Variants in CFAP206 observed in about 807,000 individuals in gnomAD.
CFAP206 encodes the protein cilia- and flagella-associated protein 206.
In CFAP206, 53 loss-of-function variants were observed where a neutral mutation model predicts 65.4. The ratio of observed to expected loss-of-function variants is 0.81; its 90% confidence interval spans 0.65 to 1.02. The LOEUF (loss-of-function observed/expected upper bound fraction) is 1.02. Among genes scored for constraint, CFAP206 ranks in the 50% least tolerant of loss-of-function variants. The probability of loss-of-function intolerance (pLI) is 0.00; values close to 1 mark genes in which losing one functional copy is unlikely to be tolerated. For missense variants in CFAP206, 663 were observed against 753.2 expected (o/e 0.88, Z 1.40); for synonymous variants, 250 against 254.4 (o/e 0.98, Z 0.17).
At chr6:87,460,322 T>G (rs889478930) in intron 11 of CFAP206, among the ~76,000 whole-genome samples, 1 of 152,224 alleles carries the variant, frequency 6.6e-6, no homozygotes, top group Non-Finnish European at 1.5e-5. Context: ...GATAATAACC[T>G]GCTATGTATG....
intron 2 of CFAP206, 109 bp downstream of exon 2, chr6:87,410,056 G>A: frequency 1.3e-6 from 1 of 742,508 alleles, no homozygotes; most frequent in Non-Finnish European, 2.2e-6. Flanking sequence ...TTTTTCAGTT[G>A]AAGCATAACG....
chr6:87,419,969 T>C (rs567712683), intron 7 of CFAP206, among the ~76,000 whole-genome samples: 4 of 152,184 alleles, frequency 2.6e-5, no homozygotes, highest in Admixed American at 6.5e-5. Flanking sequence ...CCCAGCTACT[T>C]GGGAGGCTAA....
intron 11 of CFAP206, among the ~76,000 whole-genome samples, chr6:87,448,899 C>G (rs917742717): frequency 1.3e-5 from 2 of 152,094 alleles, no homozygotes; most frequent in East Asian, 3.9e-4. Flanking sequence ...TTTCTTTATT[C>G]TCCTGTTGGT....
intron 4 of CFAP206, among the ~76,000 whole-genome samples, chr6:87,414,152 T>C (rs1767785726): frequency 2.0e-5 from 3 of 152,308 alleles, no homozygotes; most frequent in Admixed American, 2.0e-4. Context: ...TACATAATAA[T>C]TAGGAATTCA....
At chr6:87,456,522 GCAATCAGA>G (rs1346718730) in intron 11 of CFAP206, among the ~76,000 whole-genome samples, 1 of 152,070 alleles carries the variant, frequency 6.6e-6, no homozygotes, top group African/African-American at 2.4e-5. Context: ...CCTAGCTAGA[GCAATCAGA>G]CAATAGAAAT....
intron 11 of CFAP206, among the ~76,000 whole-genome samples, chr6:87,453,309 G>A (rs1768577689): frequency 6.6e-6 from 1 of 152,132 alleles, no homozygotes; most frequent in Non-Finnish European, 1.5e-5. Context: ...TTCATCACCA[G>A]ACCTGTTCTG....
At chr6:87,451,449 A>G (rs1334905300) in intron 11 of CFAP206, among the ~76,000 whole-genome samples, 1 of 152,122 alleles carries the variant, frequency 6.6e-6, no homozygotes, top group Non-Finnish European at 1.5e-5. Flanking sequence ...CCTGAAGGCA[A>G]GGACCCAGTT....
At chr6:87,429,027 G>A (rs1463018823) in intron 9 of CFAP206, among the ~76,000 whole-genome samples, 1 of 151,968 alleles carries the variant, frequency 6.6e-6, no homozygotes, top group Non-Finnish European at 1.5e-5. Context: ...GATCACCTGA[G>A]GCCAGGAGTT....
intron 11 of CFAP206, among the ~76,000 whole-genome samples, chr6:87,440,040 G>T (rs1768339118): frequency 6.6e-6 from 1 of 152,084 alleles, no homozygotes; most frequent in African/African-American, 2.4e-5. Context: ...AAAAACCCTT[G>T]AAGGAATACT....
rs149921592 is a variant in CFAP206 at position 87,416,416 on chromosome 6, C to A, written c.473-253C>A. ...CCTAATTAGAAAGCTTGTTTTCATG[C>A]CCATTGCCAAAAAGTTACTGCTGGA... On this transcript the variant is annotated intron_variant, in intron 5 of 12. Transcript: ENST00000369562. 3.3e-4 allele frequency among the ~76,000 whole-genome samples: 50 copies of A among 152,104 alleles called. No homozygotes were observed. The East Asian group carries it at 9.3e-3, about 28-fold the overall frequency.
intron 10 of CFAP206, among the ~76,000 whole-genome samples, chr6:87,432,036 A>G (rs1416051654): frequency 6.6e-6 from 1 of 152,230 alleles, no homozygotes; most frequent in Non-Finnish European, 1.5e-5. Context: ...TTATCATCCA[A>G]AAAGTGCTGT....
In CFAP206 at chr6:87,464,012, CTCTTTA is replaced by C; in HGVS notation, c.1639-7_1639-2del. 1 of 1,597,268 alleles carries C rather than the reference CTCTTTA, an allele frequency of 6.3e-7. No homozygotes were observed. Among genetic ancestry groups the C allele is most frequent in the Non-Finnish European group, 8.6e-7 (1 of 1,167,326 alleles). On this transcript the variant is annotated splice_acceptor_variant and splice_polypyrimidine_tract_variant and intron_variant, in intron 12 of 12. Coordinates refer to ENST00000369562, the MANE Select transcript of CFAP206 (RefSeq NM_001031743.3). LOFTEE classifies it high-confidence loss of function. ...AAATGTTAATTCCTGTATTCTCTTTCTCTTTAGGCTAATTTGCGCCAGAAAGTTACT... is the reference window on the plus strand; with the variant it reads ...AAATGTTAATTCCTGTATTCTCTTTCGGCTAATTTGCGCCAGAAAGTTACT...
intron 7 of CFAP206, among the ~76,000 whole-genome samples, chr6:87,424,059 A>C (rs1006436629): frequency 6.6e-6 from 1 of 152,060 alleles, no homozygotes; most frequent in African/African-American, 2.4e-5. Context: ...CACCACAACC[A>C]TTTCTGGTGA....
chr6:87,438,143 A>C (rs1162834893), intron 11 of CFAP206, among the ~76,000 whole-genome samples: 1 of 152,124 alleles, frequency 6.6e-6, no homozygotes, highest in Non-Finnish European at 1.5e-5. Context: ...TAAGGGAAAA[A>C]TTAGGAGGAT....
At position 87,426,586 on chromosome 6, in the gene CFAP206, C is replaced by T. The variant is rs1768047568; in HGVS notation, c.901C>T (p.Leu301=). 1.9e-6 allele frequency: 3 copies of T among 1,601,656 alleles called. No homozygotes were observed. Among genetic ancestry groups the T allele is most frequent in the Non-Finnish European group, 2.6e-6 (3 of 1,173,378 alleles). The change falls in exon 8 of 13, where the codon CTG becomes TTG. Residue 301 remains leucine, a synonymous_variant. Coordinates refer to ENST00000369562, the MANE Select transcript of CFAP206 (RefSeq NM_001031743.3). ...EMMTKQLGAH[L]EQLKMTIKSK... is the part of the protein sequence containing the mutation. Reference sequence around the variant, plus strand: ...GATGACAAAACAGTTAGGAGCCCATCTGGAACAACTAAAAATGACCATAAA... The same window carrying T: ...GATGACAAAACAGTTAGGAGCCCATTTGGAACAACTAAAAATGACCATAAA...
chr6:87,450,475 A>ATGTGTG (rs55870560), intron 11 of CFAP206, among the ~76,000 whole-genome samples: 3,713 of 130,310 alleles, frequency 0.028, 61 homozygotes, highest in South Asian at 0.043. Context: ...ATAAATGAAA[A>ATGTGTG]TGTGTGTGTG....
intron 11 of CFAP206, among the ~76,000 whole-genome samples, chr6:87,453,829 A>T (rs1021450818): frequency 1.7e-4 from 26 of 152,212 alleles, no homozygotes; most frequent in African/African-American, 5.8e-4. Flanking sequence ...GAAGAAAGAG[A>T]AGACCACAAA....
intron 11 of CFAP206, chr6:87,441,878 A>G (rs1768364415): frequency 3.3e-6 from 1 of 301,396 alleles, no homozygotes; most frequent in Admixed American, 3.8e-5. Context: ...CAACAGGGGA[A>G]CCAGTGCTTT....
chr6:87,459,778 G>T (rs9450698), intron 11 of CFAP206, among the ~76,000 whole-genome samples: 2 of 151,968 alleles, frequency 1.3e-5, no homozygotes, highest in African/African-American at 4.8e-5. Flanking sequence ...ACAGTGAAAG[G>T]CTAGAATCAG....
Sources: allele counts gnomAD v4.1 joint callset (sites outside exome capture counted in the v4.1 genomes callset), GRCh38; gene constraint gnomAD v4.1.1; transcripts MANE v1.5; gene names NCBI Gene and HGNC (gene_info 2026-07-23, HGNC 2026-07-21).